The following ARHGAP26 variants were observed in gnomAD, a reference collection of about 807,000 sequenced individuals.
The protein encoded by ARHGAP26 is rho GTPase-activating protein 26.
ARHGAP26 carries 38 observed loss-of-function variants against 104.8 expected under a neutral mutation model. The observed-to-expected ratio is 0.36, with a 90% confidence interval of 0.28 to 0.48. The LOEUF is 0.48. Ranked by LOEUF, ARHGAP26 falls within the 20% of genes least tolerant of loss-of-function variation. The pLI is 0.99. For synonymous variants in ARHGAP26, 341 were observed against 340.0 expected, an observed-to-expected ratio of 1.00 and a Z score of -0.03; for missense variants, 704 against 947.9, an observed-to-expected ratio of 0.74 and a Z score of 3.38.
At position 143,095,103 on chromosome 5, in the gene ARHGAP26, T is replaced by C. The variant is rs77066915; in HGVS notation, c.1539-25885T>C. 6.6e-3 allele frequency among the ~76,000 whole-genome samples: 1,007 copies of C among 151,470 alleles called. 18 individuals carry two copies. The East Asian group carries it at 0.078, about 12-fold the overall frequency. ...TTGACTTATGGGTTCTAAGATAATATATTCTTACATATATACATTCATTTT... is the reference window on the plus strand; with the variant it reads ...TTGACTTATGGGTTCTAAGATAATACATTCTTACATATATACATTCATTTT... On this transcript the variant is annotated intron_variant, in intron 17 of 22. Transcript: ENST00000645722.
intron 10 of ARHGAP26, among the ~76,000 whole-genome samples, chr5:142,923,759 A>G (rs550821156): frequency 6.6e-6 from 1 of 150,922 alleles, no homozygotes; most frequent in African/African-American, 2.4e-5. Context: ...GACTATTATT[A>G]TTGCTATGAT....
intron 17 of ARHGAP26, among the ~76,000 whole-genome samples, chr5:143,097,434 C>T (rs1792527796): frequency 6.7e-6 from 1 of 148,416 alleles, no homozygotes; most frequent in Admixed American, 6.7e-5. Context: ...CCTGTGAGTA[C>T]ATTCAGGTAA....
intron 3 of ARHGAP26, among the ~76,000 whole-genome samples, chr5:142,876,209 G>A (rs751201078): frequency 2.6e-5 from 4 of 152,142 alleles, no homozygotes; most frequent in Non-Finnish European, 5.9e-5. Flanking sequence ...GTGTCTTCAG[G>A]CAGCAGTGCT....
At chr5:142,856,684 T>C (rs1240980470) in intron 1 of ARHGAP26, among the ~76,000 whole-genome samples, 1 of 152,196 alleles carries the variant, frequency 6.6e-6, no homozygotes, top group South Asian at 2.1e-4. Context: ...TTTTCTACTC[T>C]CAAGCAATAC....
At chr5:143,180,638 G>A (rs1007886014) in intron 20 of ARHGAP26, among the ~76,000 whole-genome samples, 5 of 152,098 alleles carry the variant, frequency 3.3e-5, no homozygotes, top group African/African-American at 4.8e-5. Context: ...TTATATGGCG[G>A]CAGGCTAGAG....
intron 6 of ARHGAP26, among the ~76,000 whole-genome samples, chr5:142,899,607 A>C (rs1759990153): frequency 6.6e-6 from 1 of 152,018 alleles, no homozygotes; most frequent in African/African-American, 2.4e-5. Flanking sequence ...CATTTCTTTG[A>C]AGCAGACAGC....
In ARHGAP26 at chr5:142,770,670, G is replaced by T; in HGVS notation, c.-92G>T. On this transcript the variant is annotated 5_prime_UTR_variant, in exon 1 of 23. Transcript: ENST00000645722. ...TGTGGAGCCGGCGGCCGTCGGGGGA[G>T]CCGGCCGGGGTCCCGCCGCGTGAGT... 1 of 963,288 alleles carries T rather than the reference G, an allele frequency of 1.0e-6. No individual in the cohort carries two copies. The highest frequency in any genetic ancestry group is 1.3e-6 in the Non-Finnish European group (1 of 793,856). The allele number at this position is 963,288 out of a possible 1,614,324, so 59.7% of individuals were successfully genotyped here.
intron 11 of ARHGAP26, among the ~76,000 whole-genome samples, chr5:142,999,312 A>G (rs1776870120): frequency 6.6e-6 from 1 of 152,202 alleles, no homozygotes; most frequent in African/African-American, 2.4e-5. Flanking sequence ...ATAGATCTTT[A>G]CAATGCTCAG....
chr5:143,191,642 T>C (rs952092556), intron 20 of ARHGAP26, among the ~76,000 whole-genome samples: 1 of 152,222 alleles, frequency 6.6e-6, no homozygotes, highest in Admixed American at 6.5e-5. Context: ...AAATTACATG[T>C]GATACACAGA....
intron 11 of ARHGAP26, among the ~76,000 whole-genome samples, chr5:142,949,225 AGAGAGAG>A (rs1370892971): frequency 1.6e-4 from 12 of 72,996 alleles, no homozygotes; most frequent in African/African-American, 6.3e-4. Flanking sequence ...GAGAGAGGAG[AGAGAGAG>A]GAGAGAGAGA....
chr5:143,192,919 T>C (rs1189518236), intron 20 of ARHGAP26, among the ~76,000 whole-genome samples: 4 of 152,210 alleles, frequency 2.6e-5, no homozygotes, highest in African/African-American at 9.6e-5. Context: ...CATTTTATTG[T>C]TGGATCCAGA....
intron 5 of ARHGAP26, among the ~76,000 whole-genome samples, chr5:142,885,603 C>A (rs750160094): frequency 6.6e-6 from 1 of 152,132 alleles, no homozygotes; most frequent in Non-Finnish European, 1.5e-5. Flanking sequence ...GTAGCCTTCC[C>A]GCCTGTCAAG....
intron 8 of ARHGAP26, among the ~76,000 whole-genome samples, chr5:142,904,845 G>A (rs547777364): frequency 1.3e-5 from 2 of 152,322 alleles, no homozygotes; most frequent in Admixed American, 1.3e-4. Context: ...TTCATGTAGA[G>A]TTAGGCAGAT....
intron 1 of ARHGAP26, among the ~76,000 whole-genome samples, chr5:142,817,221 G>T (rs1009065139): frequency 2.6e-5 from 4 of 152,186 alleles, no homozygotes; most frequent in African/African-American, 9.7e-5. Context: ...GGGAGGGGAG[G>T]GGGAAGGTGG....
chr5:142,781,058 C>T (rs1402872727), intron 1 of ARHGAP26, among the ~76,000 whole-genome samples: 1 of 152,220 alleles, frequency 6.6e-6, no homozygotes, highest in African/African-American at 2.4e-5. Flanking sequence ...CTCCTAGATG[C>T]TCACTGTTTT....
intron 17 of ARHGAP26, among the ~76,000 whole-genome samples, chr5:143,110,635 C>T (rs1794667504): frequency 6.6e-6 from 1 of 152,126 alleles, no homozygotes; most frequent in African/African-American, 2.4e-5. Context: ...GAGAACTAAT[C>T]AATAAATCAA....
At chr5:143,193,624 A>G (rs1489604028) in intron 20 of ARHGAP26, among the ~76,000 whole-genome samples, 2 of 152,126 alleles carry the variant, frequency 1.3e-5, no homozygotes, top group Non-Finnish European at 2.9e-5. Flanking sequence ...TAATGCTGGC[A>G]ATTTGCATAT....
intron 20 of ARHGAP26, among the ~76,000 whole-genome samples, chr5:143,200,589 TA>T (rs1418776792): frequency 6.8e-6 from 1 of 146,342 alleles, no homozygotes; most frequent in Non-Finnish European, 1.5e-5. Flanking sequence ...ATGTGTAGTA[TA>T]ATTCTCCAAA....
chr5:143,210,599 A>C (rs909194178), intron 21 of ARHGAP26, among the ~76,000 whole-genome samples: 28 of 152,266 alleles, frequency 1.8e-4, no homozygotes, highest in African/African-American at 6.3e-4. Context: ...CCCCTCCCCC[A>C]AAAAAGCCGA....
Sources: allele counts gnomAD v4.1 joint callset (sites outside exome capture counted in the v4.1 genomes callset), GRCh38; gene constraint gnomAD v4.1.1; transcripts MANE v1.5; gene names NCBI Gene and HGNC (gene_info 2026-07-23, HGNC 2026-07-21).